Variants in ERBB4 observed in about 807,000 individuals in gnomAD.
ERBB4 encodes the protein receptor tyrosine-protein kinase erbB-4.
Under a neutral mutation model 158.0 loss-of-function variants are expected in ERBB4, and 42 were observed. That is an observed-to-expected ratio of 0.27 (90% CI 0.21 to 0.34). The LOEUF is 0.34. Among genes scored for constraint, ERBB4 ranks in the 10% least tolerant of loss-of-function variants. ERBB4 has a pLI of 1.00. For synonymous variants in ERBB4, 583 were observed against 558.7 expected (o/e 1.04, Z -0.61); for missense variants, 1,333 against 1,624.1 (o/e 0.82, Z 3.08).
intron 4 of ERBB4, among the ~76,000 whole-genome samples, chr2:211,758,271 A>C (rs528056160): frequency 6.6e-6 from 1 of 152,324 alleles, no homozygotes; most frequent in South Asian, 2.1e-4. Flanking sequence ...TCCTTCCAAC[A>C]TGCCTTCAGA....
chr2:211,928,704 C>T (rs1372004562), intron 3 of ERBB4, among the ~76,000 whole-genome samples: 2 of 152,116 alleles, frequency 1.3e-5, no homozygotes, highest in African/African-American at 4.8e-5. Flanking sequence ...GAAATGAAAA[C>T]GATATGAATA....
chr2:212,415,144 G>A (rs1057284871), intron 1 of ERBB4, among the ~76,000 whole-genome samples: 4 of 152,170 alleles, frequency 2.6e-5, no homozygotes, highest in Admixed American at 2.6e-4. Flanking sequence ...CGTCACTTAC[G>A]TACTTTGGTA....
At chr2:211,668,925 G>C (rs149603965) in intron 14 of ERBB4, among the ~76,000 whole-genome samples, 1 of 152,098 alleles carries the variant, frequency 6.6e-6, no homozygotes, top group African/African-American at 2.4e-5. Context: ...CAGATTTCCA[G>C]TGTACTTTAC....
intron 16 of ERBB4, among the ~76,000 whole-genome samples, chr2:211,655,469 G>A (rs1346404469): frequency 5.3e-5 from 8 of 152,074 alleles, no homozygotes; most frequent in Admixed American, 2.6e-4. Flanking sequence ...AGAAAGTGAG[G>A]CTCAGATAAT....
chr2:211,908,005 G>A (rs1042471416), intron 3 of ERBB4, among the ~76,000 whole-genome samples: 4 of 151,628 alleles, frequency 2.6e-5, no homozygotes, highest in Non-Finnish European at 5.9e-5. Context: ...CTAAATCCAT[G>A]TATCTTTGTT....
intron 2 of ERBB4, among the ~76,000 whole-genome samples, chr2:212,064,647 A>G (rs2077883679): frequency 6.6e-6 from 1 of 152,122 alleles, no homozygotes; most frequent in Admixed American, 6.6e-5. Flanking sequence ...GTACAGTCAA[A>G]TAAATGGGTG....
At chr2:211,658,920 C>T (rs1241500216) in intron 15 of ERBB4, among the ~76,000 whole-genome samples, 2 of 152,072 alleles carry the variant, frequency 1.3e-5, no homozygotes, top group African/African-American at 4.8e-5. Context: ...TTTCTCCCAT[C>T]AAAGACATAC....
chr2:211,762,037 T>C (rs1412371364), intron 4 of ERBB4, among the ~76,000 whole-genome samples: 5 of 152,240 alleles, frequency 3.3e-5, no homozygotes, highest in Non-Finnish European at 7.3e-5. Context: ...AATGACTAAG[T>C]TGAATATCAC....
At chr2:211,436,084 A>T (rs62178762) in intron 20 of ERBB4, among the ~76,000 whole-genome samples, 41,346 of 151,936 alleles carry the variant, frequency 0.27, 6,410 homozygotes, top group South Asian at 0.54. Flanking sequence ...AGACTTCCAA[A>T]GTGTTGGGAT....
intron 25 of ERBB4, among the ~76,000 whole-genome samples, chr2:211,415,107 CTTTTTTTTTTTTTTTT>C (rs71047175): frequency 2.8e-5 from 2 of 72,506 alleles, no homozygotes; most frequent in African/African-American, 5.5e-5. Flanking sequence ...CTTACATTTT[CTTTTTTTTTTTTTTTT>C]TTTTTTTTTT....
intron 3 of ERBB4, among the ~76,000 whole-genome samples, chr2:211,875,003 T>C (rs1459785973): frequency 7.6e-6 from 1 of 132,144 alleles, no homozygotes; most frequent in Non-Finnish European, 1.5e-5. Context: ...AGGCTTGTAT[T>C]GTCATGCTTC....
intron 1 of ERBB4, among the ~76,000 whole-genome samples, chr2:212,384,924 C>A (rs575317843): frequency 7.8e-6 from 1 of 127,516 alleles, no homozygotes; most frequent in African/African-American, 3.2e-5. Context: ...TATATATACA[C>A]ACACACACAC....
intron 2 of ERBB4, among the ~76,000 whole-genome samples, chr2:212,020,726 G>A (rs1011626200): frequency 6.6e-6 from 1 of 152,070 alleles, no homozygotes; most frequent in Non-Finnish European, 1.5e-5. Flanking sequence ...CCTACTGCCT[G>A]TAGTAGTTAC....
chr2:211,508,001 T>G lies in ERBB4; in HGVS notation c.2487+53902A>C, dbSNP rs533552124. Among the ~76,000 whole-genome samples, 29 of 152,242 alleles carry G rather than the reference T, an allele frequency of 1.9e-4. 1 individual carries two copies. The highest frequency in any genetic ancestry group is 7.0e-4 in the African/African-American group (29 of 41,578). ...AATTAACTCAAGATGGATTAAAGAC[T>G]TAAATGTAAAACCCTAAATCATAAA... On this transcript the variant is annotated intron_variant, in intron 20 of 27. Coordinates refer to ENST00000342788, the MANE Select transcript of ERBB4 (RefSeq NM_005235.3).
chr2:211,719,832 G>A (rs372267071), intron 7 of ERBB4, among the ~76,000 whole-genome samples: 1 of 150,052 alleles, frequency 6.7e-6, no homozygotes, highest in Non-Finnish European at 1.5e-5. Flanking sequence ...TCCAGCCTGG[G>A]TGACAGAGCG....
chr2:211,744,963 T>C (rs1309414007), intron 5 of ERBB4, among the ~76,000 whole-genome samples: 2 of 152,230 alleles, frequency 1.3e-5, no homozygotes, highest in Admixed American at 1.3e-4. Flanking sequence ...AGGTCATTTG[T>C]AAATAACATC....
At chr2:212,345,898 T>C (rs1284377876) in intron 1 of ERBB4, among the ~76,000 whole-genome samples, 1 of 152,118 alleles carries the variant, frequency 6.6e-6, no homozygotes, top group East Asian at 1.9e-4. Flanking sequence ...AAAATGAAGG[T>C]CAGAAAATAT....
rs1231046807 is a variant in ERBB4 at position 212,251,754 on chromosome 2, G to T, written c.83-126851C>A. On this transcript the variant is annotated intron_variant, in intron 1 of 27. Transcript: ENST00000342788. The stretch of plus-strand genomic sequence containing the variant: ...AAGCAAGGGTGAAATGGTAGGAAAT[G>T]AATTTAGAAAGGTGACAGGTGGTCA... 3.3e-5 allele frequency among the ~76,000 whole-genome samples: 5 copies of T among 152,008 alleles called. No homozygotes were observed. The East Asian group carries it at 5.8e-4, about 18-fold the overall frequency.
chr2:212,031,019 C>A (rs1331845062), intron 2 of ERBB4, among the ~76,000 whole-genome samples: 2 of 152,078 alleles, frequency 1.3e-5, no homozygotes, highest in Non-Finnish European at 2.9e-5. Flanking sequence ...CAACATCCGT[C>A]TTCTGCCTCA....
Sources: allele counts gnomAD v4.1 joint callset (sites outside exome capture counted in the v4.1 genomes callset), GRCh38; gene constraint gnomAD v4.1.1; transcripts MANE v1.5; gene names NCBI Gene and HGNC (gene_info 2026-07-23, HGNC 2026-07-21).